PROSER1: variants seen among roughly 807,000 people sequenced by gnomAD.
PROSER1 encodes proline and serine-rich protein 1.
Under a neutral mutation model 71.8 loss-of-function variants are expected in PROSER1, and 36 were observed. The observed-to-expected ratio is 0.50, with a 90% CI of 0.38 to 0.66. The LOEUF is 0.66. Ranked by LOEUF, PROSER1 falls within the 30% of genes least tolerant of loss-of-function variation. The pLI is 0.00. For missense variants in PROSER1, 1,107 were observed against 1,135.0 expected (o/e 0.98, Z 0.35); for synonymous variants, 490 against 452.4 (o/e 1.08, Z -1.06).
In PROSER1 at chr13:39,013,063, G is replaced by T. The variant is rs756127304; in HGVS notation, c.2189C>A (p.Ser730Tyr). Residue 730 changes from serine to tyrosine, a missense_variant, in exon 11 of 13, where the codon TCT becomes TAT. Physicochemically the swap from Ser to Tyr is moderately radical, Grantham distance 144. Coordinates refer to ENST00000352251, the MANE Select transcript of PROSER1 (RefSeq NM_025138.5). ...SLPGSLIATS[S>Y]TAATSTSLPH... ...GAGAGATGTGGAGGTGGCAGCGGTA[G>T]ATGAGGTGGCTATTAATGACCCTGG... The T allele has an allele frequency of 6.2e-7, 1 of 1,614,134 alleles. No homozygotes were observed. The highest frequency in any genetic ancestry group is 1.1e-5 in the South Asian group (1 of 91,072).
rs1869583610 is a variant in PROSER1, at chr13:39,010,336, C to A, written c.*1029G>T. ...ACTACAGTAGAGTCTATAGTTTACACTTTTAATCACAGATTGGAATTCATT... is the reference window on the plus strand; with the variant it reads ...ACTACAGTAGAGTCTATAGTTTACAATTTTAATCACAGATTGGAATTCATT... On this transcript the variant is annotated 3_prime_UTR_variant, in exon 13 of 13. Transcript: ENST00000352251. 1 of 152,616 alleles carries A rather than the reference C, an allele frequency of 6.6e-6. No individual in the cohort carries two copies. The highest frequency in any genetic ancestry group is 2.4e-5 in the African/African-American group (1 of 41,458). 9.5% of individuals were successfully genotyped at this position (152,616 alleles called of 1,614,324 possible). A position where few individuals can be genotyped will look rare whatever the true frequency, so the allele number is the denominator to read the frequency against.
chr13:39,014,025 G>A lies in PROSER1; in HGVS notation c.1227C>T (p.Ser409=), dbSNP rs754218967. The A allele has an allele frequency of 1.2e-6, 2 of 1,614,024 alleles. No homozygotes were observed. Among genetic ancestry groups the A allele is most frequent in the East Asian group, 2.2e-5 (1 of 44,890 alleles). The change falls in exon 11 of 13, where the codon TCC becomes TCT. Residue 409 remains serine, a synonymous_variant. Coordinates refer to ENST00000352251, the MANE Select transcript of PROSER1 (RefSeq NM_025138.5). The part of the protein sequence containing the change: ...TSAPFTSLPF[S]TSSSAASTSN... The stretch of plus-strand genomic sequence containing the variant: ...TGGTAGAAGCAGCAGAAGAGCTGGT[G>A]GAAAAGGGGAGGCTAGTGAAAGGTG...
In PROSER1 at chr13:39,024,563, A is replaced by T. The variant is rs766900148; in HGVS notation, c.481-7T>A. ...CTTTTTTCAAAGGAGTTCCCTATTA[A>T]AAAAAAAAAAAAAAGGTAATTGAAA... On this transcript the variant is annotated splice_polypyrimidine_tract_variant and splice_region_variant and intron_variant, in intron 6 of 12. Transcript: ENST00000352251. 9.1e-6 allele frequency: 9 copies of T among 985,620 alleles called. No homozygotes were observed. The highest frequency in any genetic ancestry group is 2.7e-5 in the African/African-American group (1 of 37,356). The allele number at this position is 985,620 out of a possible 1,614,324, so 61.1% of individuals were successfully genotyped here.
At chr13:39,019,472 C>T (rs1036352763) in intron 9 of PROSER1, among the ~76,000 whole-genome samples, 2 of 137,270 alleles carry the variant, frequency 1.5e-5, no homozygotes, top group Non-Finnish European at 3.0e-5. Flanking sequence ...GCCGACATTG[C>T]GCCACTGCAC....
chr13:39,012,859 C>G lies in PROSER1; in HGVS notation c.2393G>C (p.Ser798Thr), dbSNP rs1869742822. ...GAATGAGGGAAGAGCAGGGGTAACG[C>G]TTGGGGTATTAGAGACAGAAAAGCC... Reference protein sequence around the residue: ...YPGFSVSNTPSVTPALPSFPG... With the variant: ...YPGFSVSNTPTVTPALPSFPG... The change falls in exon 11 of 13, where the codon AGC becomes ACC. Residue 798 changes from serine to threonine, a missense_variant. Physicochemically the swap from Ser to Thr is moderately conservative, Grantham distance 58. Coordinates refer to ENST00000352251, the MANE Select transcript of PROSER1 (RefSeq NM_025138.5). 6.2e-7 allele frequency: 1 copy of G among 1,614,020 alleles called. No homozygotes were observed. The highest frequency in any genetic ancestry group is 8.5e-7 in the Non-Finnish European group (1 of 1,179,954).
At chr13:39,036,229 A>G (rs1871091864) in intron 1 of PROSER1, among the ~76,000 whole-genome samples, 1 of 152,278 alleles carries the variant, frequency 6.6e-6, no homozygotes, top group Non-Finnish European at 1.5e-5. Context: ...ACTTGTTCAA[A>G]AAAGAATGTT....
At chr13:39,025,918 T>C (rs1302157786) in intron 6 of PROSER1, among the ~76,000 whole-genome samples, 2 of 152,186 alleles carry the variant, frequency 1.3e-5, no homozygotes, top group Non-Finnish European at 2.9e-5. Context: ...AGCCTTTATA[T>C]GCGATTCCCC....
intron 5 of PROSER1, among the ~76,000 whole-genome samples, chr13:39,027,085 CAT>C (rs971958729): frequency 1.1e-4 from 16 of 145,564 alleles, no homozygotes; most frequent in South Asian, 4.4e-4. Flanking sequence ...TCCAGCTATA[CAT>C]ATGTGTGTGT....
In PROSER1 at chr13:39,014,185, G is replaced by A; in HGVS notation, c.1067C>T (p.Thr356Ile). ...PVTSIHSTTT[T>I]PVPSIFSGLV... ...GCCAGAAAAAATGGAAGGAACAGGA[G>A]TGGTGGTTGTACTGTGGATGGATGT... The change falls in exon 11 of 13, where the codon ACT (threonine) becomes ATT (isoleucine). Residue 356 changes from threonine to isoleucine, a missense_variant. Coordinates refer to ENST00000352251, the MANE Select transcript of PROSER1 (RefSeq NM_025138.5). 1.2e-6 allele frequency: 2 copies of A among 1,614,186 alleles called. No homozygotes were observed. The highest frequency in any genetic ancestry group is 1.7e-6 in the Non-Finnish European group (2 of 1,180,034).
intron 9 of PROSER1, among the ~76,000 whole-genome samples, chr13:39,020,092 A>AC (rs1491231428): frequency 6.6e-6 from 1 of 151,588 alleles, no homozygotes; most frequent in African/African-American, 2.4e-5. Context: ...AAAAAAAAAA[A>AC]ACTAGAGAGG....
intron 8 of PROSER1, chr13:39,022,837 CTAAT>C (rs1467347926): frequency 1.8e-5 from 8 of 448,190 alleles, no homozygotes; most frequent in African/African-American, 1.6e-4. Context: ...TAAAAATAAT[CTAAT>C]TAATTTATCA....
chr13:39,031,544 G>T lies in PROSER1; in HGVS notation c.180+19C>A. ...AATACTTAAATTCTACGTTCTGAAGGAAAAAATAAGTTACTTACATGCTGT... is the reference window on the plus strand; with the variant it reads ...AATACTTAAATTCTACGTTCTGAAGTAAAAAATAAGTTACTTACATGCTGT... On this transcript the variant is annotated intron_variant, in intron 3 of 12. Transcript: ENST00000352251. 1 of 1,560,970 alleles carries T rather than the reference G, an allele frequency of 6.4e-7. No individual in the cohort carries two copies. Among genetic ancestry groups the T allele is most frequent in the Non-Finnish European group, 8.8e-7 (1 of 1,142,044 alleles).
At chr13:39,029,500 G>T in intron 3 of PROSER1, 125 bp from the exon 4 acceptor site, 1 of 490,046 alleles carries the variant, frequency 2.0e-6, no homozygotes, top group Non-Finnish European at 3.6e-6. Context: ...CACATTTTAG[G>T]TGAAAACCAC....
intron 5 of PROSER1, among the ~76,000 whole-genome samples, chr13:39,027,849 T>A (rs983879947): frequency 8.5e-5 from 13 of 152,218 alleles, no homozygotes; most frequent in Admixed American, 7.9e-4. Context: ...GCTTTAATAT[T>A]GACCTCTTAT....
At chr13:39,019,474 C>A (rs1288494502) in intron 9 of PROSER1, among the ~76,000 whole-genome samples, 1 of 144,444 alleles carries the variant, frequency 6.9e-6, no homozygotes, top group Admixed American at 6.9e-5. Context: ...CGACATTGCG[C>A]CACTGCACTT....
intron 1 of PROSER1, among the ~76,000 whole-genome samples, chr13:39,036,956 G>A (rs1275259735): frequency 6.6e-6 from 1 of 152,088 alleles, no homozygotes; most frequent in Non-Finnish European, 1.5e-5. Flanking sequence ...TGGAACCGAG[G>A]GCTTTACAAA....
chr13:39,028,338 T>C lies in PROSER1; in HGVS notation c.276-18A>G, dbSNP rs1566027474. Reference sequence around the variant, plus strand: ...TAATGTTCCTACCAAGAAAACACAATTTAGCTTTTTGTTTAAAAATCTGAA... The same window carrying C: ...TAATGTTCCTACCAAGAAAACACAACTTAGCTTTTTGTTTAAAAATCTGAA... On this transcript the variant is annotated intron_variant, in intron 4 of 12. Transcript: ENST00000352251. The C allele has an allele frequency of 6.8e-7, 1 of 1,470,808 alleles. No individual in the cohort carries two copies. Among genetic ancestry groups the C allele is most frequent in the Non-Finnish European group, 9.5e-7 (1 of 1,053,554 alleles). The allele number at this position is 1,470,808 out of a possible 1,614,324, so 91.1% of individuals were successfully genotyped here.
At chr13:39,026,899 A>T (rs1028220351) in intron 5 of PROSER1, among the ~76,000 whole-genome samples, 3 of 152,178 alleles carry the variant, frequency 2.0e-5, no homozygotes, top group African/African-American at 7.2e-5. Flanking sequence ...ACTATTACAT[A>T]TTTATGAGAA....
At chr13:39,023,342 C>T in intron 7 of PROSER1, 1 of 479,284 alleles carries the variant, frequency 2.1e-6, no homozygotes, top group Non-Finnish European at 3.8e-6. Flanking sequence ...CCAAAGATGG[C>T]CATAGAGGTG....
Sources: allele counts gnomAD v4.1 joint callset (sites outside exome capture counted in the v4.1 genomes callset), GRCh38; gene constraint gnomAD v4.1.1; transcripts MANE v1.5; gene names NCBI Gene and HGNC (gene_info 2026-07-23, HGNC 2026-07-21).